The following ATP12A variants were observed in gnomAD, a reference collection of about 807,000 sequenced individuals.
ATP12A encodes ATPase H+/K+ transporting non-gastric alpha2 subunit.
A neutral mutation model predicts 111.2 loss-of-function variants in ATP12A; 81 were observed. The ratio of observed to expected loss-of-function variants is 0.73; its 90% CI spans 0.61 to 0.88. ATP12A has a LOEUF of 0.88. ATP12A is among the 40% of genes least tolerant of loss of function. The pLI, the probability that ATP12A is intolerant of heterozygous loss-of-function variation, is 0.00. For synonymous variants in ATP12A, 498 were observed against 499.8 expected (o/e 1.00, Z 0.05); for missense variants, 1,196 against 1,313.1 (o/e 0.91, Z 1.38).
chr13:24,707,885 A>G (rs192766892), intron 17 of ATP12A, among the ~76,000 whole-genome samples: 63 of 152,122 alleles, frequency 4.1e-4, no homozygotes, highest in African/African-American at 1.4e-3. Context: ...CCTGGCCTCA[A>G]GTGATCCACC....
chr13:24,702,038 G>T lies in ATP12A; in HGVS notation c.1985G>T (p.Arg662Leu), dbSNP rs370861260. Residue 662 changes from arginine to leucine, a missense_variant, in exon 14 of 23, where the codon CGC becomes CTC. Physicochemically the swap from Arg to Leu is moderately radical, Grantham distance 102. Transcript: ENST00000381946. ...NSETVEDIAH[R>L]LNIAVEQVNK... ...GAAACAGTGGAAGACATTGCACATC[G>T]CCTCAACATTGCTGTGGAGCAAGTT... 2 of 1,614,212 alleles carry T rather than the reference G, an allele frequency of 1.2e-6. No individual in the cohort carries two copies. Among genetic ancestry groups the T allele is most frequent in the Admixed American group, 1.7e-5 (1 of 60,028 alleles).
chr13:24,706,835 CTT>C (rs1593143382), intron 15 of ATP12A, among the ~76,000 whole-genome samples, 186 bp from the exon 16 acceptor site: 1 of 152,208 alleles, frequency 6.6e-6, no homozygotes, highest in Non-Finnish European at 1.5e-5. Flanking sequence ...TTGCACGTAT[CTT>C]GTTTGGAGAC....
chr13:24,682,384 TG>T (rs1874511803), intron 2 of ATP12A, among the ~76,000 whole-genome samples: 4 of 136,920 alleles, frequency 2.9e-5, no homozygotes, highest in African/African-American at 1.1e-4. Context: ...GGTGTGTGTG[TG>T]GTGTGTGGTG....
Position 24,685,461 on chromosome 13 carries a change from G to A in ATP12A, c.228+88G>A. Reference sequence around the variant, plus strand: ...GTGTGGCGGGGGGCTGTGTGGAAGAGTAGCGGCACCTTTAGGAGGAGGGGC... The same window carrying A: ...GTGTGGCGGGGGGCTGTGTGGAAGAATAGCGGCACCTTTAGGAGGAGGGGC... On this transcript the variant is annotated intron_variant, in intron 3 of 22. Transcript: ENST00000381946. The surrounding 1 kb of genome is among the most constrained non-coding windows in gnomAD (Gnocchi z 5.5). 7.1e-7 allele frequency: 1 copy of A among 1,401,200 alleles called. No individual in the cohort carries two copies. The highest frequency in any genetic ancestry group is 1.0e-6 in the Non-Finnish European group (1 of 988,422). The allele number at this position is 1,401,200 out of a possible 1,614,324, so 86.8% of individuals were successfully genotyped here. A position where few individuals can be genotyped will look rare whatever the true frequency, so the allele number is the denominator to read the frequency against.
At position 24,711,532 on chromosome 13, in the gene ATP12A, C is replaced by G; in HGVS notation, c.*10C>G. ...GAACATGTATTATTAAGACCACCTC[C>G]CTTCCTATGTCTCTCAGCAGCACGT... On this transcript the variant is annotated 3_prime_UTR_variant, in exon 23 of 23. Coordinates refer to ENST00000381946, the MANE Select transcript of ATP12A (RefSeq NM_001676.7). 7 of 1,614,156 alleles carry G rather than the reference C, an allele frequency of 4.3e-6. No homozygotes were observed. Among genetic ancestry groups the G allele is most frequent in the Non-Finnish European group, 5.9e-6 (7 of 1,180,036 alleles).
At chr13:24,706,599 G>A (rs1390457322) in intron 15 of ATP12A, 136 bp downstream of exon 15, 29 of 1,307,838 alleles carry the variant, frequency 2.2e-5, no homozygotes, top group Non-Finnish European at 3.0e-5. Flanking sequence ...CCCATCACCT[G>A]ACCTCTCCAA....
intron 2 of ATP12A, among the ~76,000 whole-genome samples, chr13:24,682,327 G>A (rs1874506094): frequency 8.2e-6 from 1 of 122,636 alleles, no homozygotes; most frequent in Admixed American, 8.1e-5. Flanking sequence ...TGGTGTGTGT[G>A]TAGCGTGTGG....
rs1264817011 is a variant in ATP12A, at chr13:24,712,382, GT to G, written c.*864del. 2 of 152,178 alleles carry G rather than the reference GT, an allele frequency of 1.3e-5. No homozygotes were observed. The highest frequency in any genetic ancestry group is 4.8e-5 in the African/African-American group (2 of 41,444). The allele number at this position is 152,178 out of a possible 1,614,324, so 9.4% of individuals were successfully genotyped here. A position where few individuals can be genotyped will look rare whatever the true frequency, so the allele number is the denominator to read the frequency against. On this transcript the variant is annotated 3_prime_UTR_variant, in exon 23 of 23. Transcript: ENST00000381946. Reference sequence around the variant, plus strand: ...TAACGTTTTGTCAGTCATGTTTCATGTTTTAACTTAGGTGTATTCATGTGTG... The same window carrying G: ...TAACGTTTTGTCAGTCATGTTTCATGTTTAACTTAGGTGTATTCATGTGTG...
intron 2 of ATP12A, among the ~76,000 whole-genome samples, chr13:24,681,980 GGT>G (rs1211845733): frequency 1.5e-5 from 2 of 132,968 alleles, no homozygotes; most frequent in South Asian, 4.8e-4. Context: ...TATGGTGTGT[GGT>G]GTGTGTGTAT....
intron 21 of ATP12A, 31 bp downstream of exon 21, chr13:24,710,924 G>A (rs753230396): frequency 6.3e-7 from 1 of 1,587,124 alleles, no homozygotes; most frequent in African/African-American, 1.3e-5. Context: ...ATGGAGGAAA[G>A]AGCCAGCCTC....
intron 14 of ATP12A, 32 bp from the exon 15 acceptor site, chr13:24,706,281 G>C: frequency 1.2e-6 from 2 of 1,609,042 alleles, no homozygotes; most frequent in East Asian, 4.5e-5. Context: ...ATCTGCCCTT[G>C]GGCCTCACCC....
rs768834293 is a variant in ATP12A, at chr13:24,710,456, A to G, written c.2764-4A>G. 6.2e-7 allele frequency: 1 copy of G among 1,613,958 alleles called. No individual in the cohort carries two copies. The highest frequency in any genetic ancestry group is 2.2e-5 in the East Asian group (1 of 44,876). On this transcript the variant is annotated splice_region_variant and splice_polypyrimidine_tract_variant and intron_variant, in intron 19 of 22. Transcript: ENST00000381946. ...AGGTCTCTTCCTTCTCTGCCCATTAACAGACAAGGTACCAGAGGGAATACC... is the reference window on the plus strand; with the variant it reads ...AGGTCTCTTCCTTCTCTGCCCATTAGCAGACAAGGTACCAGAGGGAATACC...
chr13:24,701,820 T>C (rs1485485992), intron 13 of ATP12A, 115 bp from the exon 14 acceptor site: 2 of 1,373,714 alleles, frequency 1.5e-6, no homozygotes, highest in Non-Finnish European at 2.0e-6. Flanking sequence ...GCTGCCACTG[T>C]AATCACCAAC....
intron 14 of ATP12A, 23 bp downstream of exon 14, chr13:24,702,094 A>C: frequency 6.2e-7 from 1 of 1,614,080 alleles, no homozygotes; most frequent in Non-Finnish European, 8.5e-7. Flanking sequence ...GCAGCATAGT[A>C]AAAATTCCAG....
intron 7 of ATP12A, 57 bp downstream of exon 7, chr13:24,690,778 G>A: frequency 6.5e-7 from 1 of 1,531,324 alleles, no homozygotes; most frequent in South Asian, 1.2e-5. Flanking sequence ...CTCCCTCCTG[G>A]GCTCTCAGGT....
Position 24,680,734 on chromosome 13 carries a change from C to T in ATP12A, c.-10C>T. 6 of 1,502,460 alleles carry T rather than the reference C, an allele frequency of 4.0e-6. No homozygotes were observed. The highest frequency in any genetic ancestry group is 5.3e-6 in the Non-Finnish European group (6 of 1,133,124). The allele number at this position is 1,502,460 out of a possible 1,614,324, so 93.1% of individuals were successfully genotyped here. A position where few individuals can be genotyped will look rare whatever the true frequency, so the allele number is the denominator to read the frequency against. On this transcript the variant is annotated 5_prime_UTR_variant, in exon 1 of 23. Transcript: ENST00000381946. ...TCCACGCCCGCAGCCCGCGGCGCCA[C>T]CAGCCCAGCATGCACCAGGTGCGTG...
chr13:24,701,834 G>T, intron 13 of ATP12A, 101 bp from the exon 14 acceptor site: 17 of 1,479,792 alleles, frequency 1.1e-5, no homozygotes, highest in Non-Finnish European at 1.5e-5. Context: ...CACCAACCAC[G>T]TTCTCCCAGG....
At chr13:24,692,340 C>G (rs1874939474) in intron 8 of ATP12A, 89 bp from the exon 9 acceptor site, 1 of 1,381,664 alleles carries the variant, frequency 7.2e-7, no homozygotes, top group Non-Finnish European at 1.0e-6. Flanking sequence ...TCCTAAAATT[C>G]AATCACAGCT....
At chr13:24,684,633 G>A (rs1472351211) in intron 2 of ATP12A, among the ~76,000 whole-genome samples, 1 of 152,226 alleles carries the variant, frequency 6.6e-6, no homozygotes, top group Non-Finnish European at 1.5e-5. Flanking sequence ...CAACTGAGGG[G>A]AGGATGTTAG....
Sources: gnomAD v4.1 joint callset for allele counts (sites outside exome capture counted in the v4.1 genomes callset) on GRCh38, gnomAD v4.1.1 for gene constraint, Gnocchi (gnomAD v3.1) non-coding constraint, MANE v1.5 for transcripts, NCBI Gene and HGNC (gene_info 2026-07-23, HGNC 2026-07-21) for gene names.